SH3GL2: variants seen among roughly 807,000 people sequenced by gnomAD.
The protein encoded by SH3GL2 is endophilin-A1.
Under a neutral mutation model 46.0 loss-of-function variants are expected in SH3GL2, and 24 were observed. The ratio of observed to expected loss-of-function variants is 0.52; its 90% CI spans 0.38 to 0.73. The LOEUF is 0.73. Ranked by LOEUF, SH3GL2 falls within the 30% of genes least tolerant of loss-of-function variation. SH3GL2 has a pLI of 0.00. For missense variants in SH3GL2, 413 were observed against 424.2 expected (o/e 0.97, Z 0.23); for synonymous variants, 196 against 147.1 (o/e 1.33, Z -2.40).
At chr9:17,582,801 G>A (rs1180058742) in intron 1 of SH3GL2, among the ~76,000 whole-genome samples, 1 of 152,168 alleles carries the variant, frequency 6.6e-6, no homozygotes, top group Non-Finnish European at 1.5e-5. Context: ...GGATCTATTC[G>A]AGGCTGCCTT....
chr9:17,721,890 C>T (rs1185709376), intron 1 of SH3GL2, among the ~76,000 whole-genome samples: 1 of 152,030 alleles, frequency 6.6e-6, no homozygotes, highest in African/African-American at 2.4e-5. Flanking sequence ...AATATAACCA[C>T]TAATAGGAAA....
chr9:17,676,832 C>T (rs2118006279), intron 1 of SH3GL2, among the ~76,000 whole-genome samples: 1 of 152,284 alleles, frequency 6.6e-6, no homozygotes, highest in East Asian at 1.9e-4. Flanking sequence ...CTTGCTTTCT[C>T]ATCTTTCTCT....
In SH3GL2 at chr9:17,795,736, C is replaced by A. The variant is rs1421330202; in HGVS notation, c.1052C>A (p.Pro351His). The A allele has an allele frequency of 1.2e-6, 2 of 1,613,126 alleles. No homozygotes were observed. The highest frequency in any genetic ancestry group is 1.7e-5 in the Admixed American group (1 of 59,990). ...INYVEILVAL[P>H]H ...TATGTGGAAATTCTGGTTGCCCTGC[C>A]CCATTAGGATGTTATGCTGGCTGGC... The change falls in exon 9 of 9, where the codon CCC becomes CAC. Residue 351 changes from proline to histidine, a missense_variant. Physicochemically the swap from Pro to His is moderately conservative, Grantham distance 77 (BLOSUM62 -2). Coordinates refer to ENST00000380607, the MANE Select transcript of SH3GL2 (RefSeq NM_003026.5).
chr9:17,673,912 T>C (rs1820538953), intron 1 of SH3GL2, among the ~76,000 whole-genome samples: 1 of 152,182 alleles, frequency 6.6e-6, no homozygotes, highest in South Asian at 2.1e-4. Flanking sequence ...AAGGTCTCCA[T>C]AGGGCATCCT....
At chr9:17,773,834 A>G (rs1823564618) in intron 3 of SH3GL2, among the ~76,000 whole-genome samples, 1 of 152,106 alleles carries the variant, frequency 6.6e-6, no homozygotes, top group Admixed American at 6.6e-5. Context: ...TCTACAAAAA[A>G]TGTTACTGAG....
At chr9:17,606,118 A>G (rs1041545758) in intron 1 of SH3GL2, among the ~76,000 whole-genome samples, 4 of 151,902 alleles carry the variant, frequency 2.6e-5, no homozygotes, top group African/African-American at 9.7e-5. Context: ...TTTGAGATGG[A>G]GTCTCACTCT....
chr9:17,700,154 G>A (rs558637781), intron 1 of SH3GL2, among the ~76,000 whole-genome samples: 2 of 152,138 alleles, frequency 1.3e-5, no homozygotes, highest in African/African-American at 2.4e-5. Flanking sequence ...TGGTATTCAG[G>A]ATCCATCTGC....
chr9:17,616,173 C>T (rs1017802887), intron 1 of SH3GL2, among the ~76,000 whole-genome samples: 3 of 152,106 alleles, frequency 2.0e-5, no homozygotes, highest in African/African-American at 7.2e-5. Context: ...GAGTATCACA[C>T]AGTAGATGAA....
At chr9:17,680,867 C>T (rs10756898) in intron 1 of SH3GL2, among the ~76,000 whole-genome samples, 49,167 of 151,856 alleles carry the variant, frequency 0.32, 8,256 homozygotes, top group East Asian at 0.51. Context: ...ATCTTTATTT[C>T]TGCCTTCATT....
chr9:17,762,990 T>G (rs1357816308), intron 3 of SH3GL2, among the ~76,000 whole-genome samples: 1 of 152,086 alleles, frequency 6.6e-6, no homozygotes, highest in Admixed American at 6.5e-5. Flanking sequence ...TTTTCACGAG[T>G]TGTACTTGTA....
intron 1 of SH3GL2, among the ~76,000 whole-genome samples, chr9:17,648,074 A>G (rs149150096): frequency 9.4e-4 from 143 of 152,354 alleles, no homozygotes; most frequent in Non-Finnish European, 1.5e-3. Flanking sequence ...AAAATACAGT[A>G]TATAATACAT....
chr9:17,754,885 G>C (rs994085201), intron 2 of SH3GL2, among the ~76,000 whole-genome samples: 1 of 152,056 alleles, frequency 6.6e-6, no homozygotes, highest in Non-Finnish European at 1.5e-5. Flanking sequence ...AATCTTTTTG[G>C]CTGAGACTGT....
chr9:17,711,484 T>TC (rs1821623370), intron 1 of SH3GL2, among the ~76,000 whole-genome samples: 1 of 151,822 alleles, frequency 6.6e-6, no homozygotes, highest in African/African-American at 2.4e-5. Flanking sequence ...TTCCTCCATT[T>TC]CCCCAGACGA....
At chr9:17,736,031 A>G (rs1822325039) in intron 1 of SH3GL2, among the ~76,000 whole-genome samples, 1 of 152,088 alleles carries the variant, frequency 6.6e-6, no homozygotes, top group African/African-American at 2.4e-5. Flanking sequence ...GGGTATCTCC[A>G]GGAAGTCAGC....
chr9:17,694,662 A>C (rs986341732), intron 1 of SH3GL2, among the ~76,000 whole-genome samples: 2 of 152,168 alleles, frequency 1.3e-5, no homozygotes, highest in Admixed American at 6.6e-5. Context: ...TGAGGGTATG[A>C]ATGTTGGAAA....
chr9:17,716,351 C>G (rs550850900), intron 1 of SH3GL2, among the ~76,000 whole-genome samples: 2 of 152,214 alleles, frequency 1.3e-5, no homozygotes, highest in African/African-American at 4.8e-5. Context: ...AGCGAAATTA[C>G]ATGGAAACAG....
intron 1 of SH3GL2, among the ~76,000 whole-genome samples, chr9:17,587,909 A>AAC (rs1317897577): frequency 2.6e-5 from 4 of 152,010 alleles, no homozygotes; most frequent in African/African-American, 9.7e-5. Flanking sequence ...CAAAAAAAAA[A>AAC]AACCAGAAAA....
intron 1 of SH3GL2, among the ~76,000 whole-genome samples, chr9:17,677,189 A>C (rs1294635446): frequency 6.6e-6 from 1 of 152,146 alleles, no homozygotes; most frequent in Non-Finnish European, 1.5e-5. Flanking sequence ...TTTTCCTGAA[A>C]AGATACAGCT....
At chr9:17,645,147 G>T (rs189552063) in intron 1 of SH3GL2, among the ~76,000 whole-genome samples, 1,572 of 109,574 alleles carry the variant, frequency 0.014, 36 homozygotes, top group African/African-American at 0.05. Context: ...GATTGCAAAC[G>T]CTGCTTTTTT....
Sources: gnomAD v4.1 joint callset for allele counts (sites outside exome capture counted in the v4.1 genomes callset) on GRCh38, gnomAD v4.1.1 for gene constraint, MANE v1.5 for transcripts, NCBI Gene and HGNC (gene_info 2026-07-23, HGNC 2026-07-21) for gene names.